FLRT2: variants seen among roughly 807,000 people sequenced by gnomAD.
FLRT2 encodes the protein leucine-rich repeat transmembrane protein FLRT2.
In FLRT2, 15 loss-of-function variants were observed where a neutral mutation model predicts 40.0. The ratio of observed to expected loss-of-function variants is 0.38; its 90% CI spans 0.25 to 0.58. FLRT2 has a LOEUF of 0.58. Ranked by LOEUF, FLRT2 falls within the 20% of genes least tolerant of loss-of-function variation. The pLI is 0.71. For missense variants in FLRT2, 726 were observed against 840.0 expected (o/e 0.86, Z 1.68); for synonymous variants, 380 against 336.8 (o/e 1.13, Z -1.41).
intron 1 of FLRT2, among the ~76,000 whole-genome samples, chr14:85,548,017 A>G (rs1889381682): frequency 6.6e-6 from 1 of 152,210 alleles, no homozygotes; most frequent in Non-Finnish European, 1.5e-5. Flanking sequence ...ACTGAATAGA[A>G]TGAGAGCCAA....
chr14:85,613,099 T>A (rs141111279), intron 1 of FLRT2, among the ~76,000 whole-genome samples: 4 of 152,098 alleles, frequency 2.6e-5, no homozygotes, highest in African/African-American at 9.7e-5. Context: ...TAAAGTAGTA[T>A]GCAATTAAAG....
chr14:85,559,724 T>C (rs1890190432), intron 1 of FLRT2, among the ~76,000 whole-genome samples: 1 of 152,196 alleles, frequency 6.6e-6, no homozygotes, highest in Non-Finnish European at 1.5e-5. Context: ...CTCACAGAGA[T>C]ACATGGCCCA....
chr14:85,607,788 CTG>C (rs1892687890), intron 1 of FLRT2, among the ~76,000 whole-genome samples: 1 of 152,218 alleles, frequency 6.6e-6, no homozygotes, highest in African/African-American at 2.4e-5. Context: ...TCAAGCGTCT[CTG>C]TATGAGTCAG....
Position 85,645,699 on chromosome 14 carries a change from T to C in FLRT2, c.*22202T>C, listed in dbSNP as rs1027735987. 8 of 152,234 alleles carry C rather than the reference T, an allele frequency of 5.3e-5. No homozygotes were observed. Among genetic ancestry groups the C allele is most frequent in the Admixed American group, 2.6e-4 (4 of 15,280 alleles). The allele number at this position is 152,234 out of a possible 1,614,324, so 9.4% of individuals were successfully genotyped here. On this transcript the variant is annotated 3_prime_UTR_variant, in exon 2 of 2. Coordinates refer to ENST00000330753, the MANE Select transcript of FLRT2 (RefSeq NM_013231.6). Reference sequence around the variant, plus strand: ...GTTGAGGAATCTTTCAGAGATTCAGTAGATAAGGTGATCTATTATATGGAT... The same window carrying C: ...GTTGAGGAATCTTTCAGAGATTCAGCAGATAAGGTGATCTATTATATGGAT...
intron 1 of FLRT2, among the ~76,000 whole-genome samples, chr14:85,619,541 T>G (rs750304165): frequency 5.3e-5 from 8 of 152,230 alleles, no homozygotes; most frequent in Admixed American, 3.9e-4. Flanking sequence ...CTTAACAATC[T>G]TTTAAATTAT....
intron 1 of FLRT2, among the ~76,000 whole-genome samples, chr14:85,540,398 G>C (rs1888915940): frequency 6.6e-6 from 1 of 152,116 alleles, no homozygotes; most frequent in South Asian, 2.1e-4. Flanking sequence ...GTTTTGTTCA[G>C]TTCTGTTTTT....
At position 85,643,729 on chromosome 14, in the gene FLRT2, A is replaced by G. The variant is rs187640434; in HGVS notation, c.*20232A>G. 3 of 152,196 alleles carry G rather than the reference A, an allele frequency of 2.0e-5. No homozygotes were observed. Among genetic ancestry groups the G allele is most frequent in the Non-Finnish European group, 4.4e-5 (3 of 68,034 alleles). The allele number at this position is 152,196 out of a possible 1,614,324, so 9.4% of individuals were successfully genotyped here. ...CTTTAAGGCATTTATTAATGCATTG[A>G]TGAGGACTCTCCTCTTTTAGATAGA... On this transcript the variant is annotated 3_prime_UTR_variant, in exon 2 of 2. Coordinates refer to ENST00000330753, the MANE Select transcript of FLRT2 (RefSeq NM_013231.6).
At position 85,634,988 on chromosome 14, in the gene FLRT2, G is replaced by C. The variant is rs542556346; in HGVS notation, c.*11491G>C. 1 of 152,246 alleles carries C rather than the reference G, an allele frequency of 6.6e-6. No homozygotes were observed. The highest frequency in any genetic ancestry group is 1.9e-4 in the East Asian group (1 of 5,180). The allele number at this position is 152,246 out of a possible 1,614,324, so 9.4% of individuals were successfully genotyped here. A position where few individuals can be genotyped will look rare whatever the true frequency, so the allele number is the denominator to read the frequency against. ...GATTTGGTTCATTGGACTGATTTGT[G>C]TTCTGTGTGCTTTTAAAATTCAGGA... On this transcript the variant is annotated 3_prime_UTR_variant, in exon 2 of 2. Transcript: ENST00000330753.
In FLRT2 at chr14:85,648,826, A is replaced by AATTAAATTTAAT. The variant is rs1894367117; in HGVS notation, c.*25329_*25330insATTAAATTTAAT. The AATTAAATTTAAT allele has an allele frequency of 6.6e-6, 1 of 152,172 alleles. No individual in the cohort carries two copies. The highest frequency in any genetic ancestry group is 2.1e-4 in the South Asian group (1 of 4,832). 9.4% of individuals were successfully genotyped at this position (152,172 alleles called of 1,614,324 possible). Reference sequence around the variant, plus strand: ...TTTAATGCCTGCCTCCCATTAAGTTATAAGATCCAGGAATTTAATAATTTA... The same window carrying AATTAAATTTAAT: ...TTTAATGCCTGCCTCCCATTAAGTTAATTAAATTTAATTAAGATCCAGGAATTTAATAATTTA... On this transcript the variant is annotated 3_prime_UTR_variant, in exon 2 of 2. Transcript: ENST00000330753.
chr14:85,553,182 T>C (rs992062907), intron 1 of FLRT2, among the ~76,000 whole-genome samples: 1 of 152,234 alleles, frequency 6.6e-6, no homozygotes, highest in Non-Finnish European at 1.5e-5. Flanking sequence ...AGCTCTTCTT[T>C]GTAGCCTTCA....
intron 1 of FLRT2, among the ~76,000 whole-genome samples, chr14:85,617,457 C>T (rs901759120): frequency 4.6e-5 from 7 of 152,224 alleles, no homozygotes; most frequent in African/African-American, 1.4e-4. Context: ...GATCCTGCTG[C>T]TACTTGGTGA....
At chr14:85,537,302 C>G (rs892984467) in intron 1 of FLRT2, among the ~76,000 whole-genome samples, 1 of 152,002 alleles carries the variant, frequency 6.6e-6, no homozygotes, top group African/African-American at 2.4e-5. Flanking sequence ...CTGACATTTT[C>G]CAGATGGTTT....
chr14:85,618,263 A>G (rs959086894), intron 1 of FLRT2, among the ~76,000 whole-genome samples: 5 of 152,178 alleles, frequency 3.3e-5, no homozygotes, highest in Non-Finnish European at 7.3e-5. Flanking sequence ...AGAAGTATCT[A>G]TTCTTTTTAC....
chr14:85,538,905 A>G (rs1888823799), intron 1 of FLRT2, among the ~76,000 whole-genome samples: 1 of 152,138 alleles, frequency 6.6e-6, no homozygotes, highest in Non-Finnish European at 1.5e-5. Context: ...TCTAGCATCT[A>G]AACAGCCTCT....
chr14:85,556,935 G>A (rs1394453008), intron 1 of FLRT2, among the ~76,000 whole-genome samples: 5 of 152,118 alleles, frequency 3.3e-5, no homozygotes, highest in Admixed American at 6.5e-5. Flanking sequence ...CATGGCGGGA[G>A]GCAAAAGGCA....
rs1894181037 is a variant in FLRT2, at chr14:85,642,726, A to G, written c.*19229A>G. 1 of 152,142 alleles carries G rather than the reference A, an allele frequency of 6.6e-6. No individual in the cohort carries two copies. Among genetic ancestry groups the G allele is most frequent in the Admixed American group, 6.5e-5 (1 of 15,276 alleles). The allele number at this position is 152,142 out of a possible 1,614,324, so 9.4% of individuals were successfully genotyped here. On this transcript the variant is annotated 3_prime_UTR_variant, in exon 2 of 2. Transcript: ENST00000330753. ...AGCCTGCATGCAATGAGCTTACCCAACCAGCTCAGAGTGATTATAATTGTT... is the reference window on the plus strand; with the variant it reads ...AGCCTGCATGCAATGAGCTTACCCAGCCAGCTCAGAGTGATTATAATTGTT...
intron 1 of FLRT2, among the ~76,000 whole-genome samples, chr14:85,538,718 G>T (rs1380499949): frequency 2.0e-5 from 3 of 152,088 alleles, no homozygotes; most frequent in African/African-American, 7.2e-5. Flanking sequence ...ACCACCTTCA[G>T]CAGGGAGCAA....
Position 85,654,169 on chromosome 14 carries a change from G to T in FLRT2, c.*30672G>T, listed in dbSNP as rs2139414712. ...TGCTGAGTTCCTGGTGGAATGAAAAGACTGTCTTTTTTTAATTGTGATTTG... is the reference window on the plus strand; with the variant it reads ...TGCTGAGTTCCTGGTGGAATGAAAATACTGTCTTTTTTTAATTGTGATTTG... On this transcript the variant is annotated 3_prime_UTR_variant, in exon 2 of 2. Coordinates refer to ENST00000330753, the MANE Select transcript of FLRT2 (RefSeq NM_013231.6). The T allele has an allele frequency of 6.7e-6, 1 of 148,420 alleles. No individual in the cohort carries two copies. Among genetic ancestry groups the T allele is most frequent in the African/African-American group, 2.4e-5 (1 of 41,160 alleles). The allele number at this position is 148,420 out of a possible 1,614,324, so 9.2% of individuals were successfully genotyped here.
chr14:85,573,590 G>A (rs2139864675), intron 1 of FLRT2, among the ~76,000 whole-genome samples: 1 of 152,258 alleles, frequency 6.6e-6, no homozygotes, highest in Non-Finnish European at 1.5e-5. Flanking sequence ...TACTGGGTGT[G>A]CCAACCCTTT....
Sources: allele counts gnomAD v4.1 joint callset (sites outside exome capture counted in the v4.1 genomes callset), GRCh38; gene constraint gnomAD v4.1.1; transcripts MANE v1.5; gene names NCBI Gene and HGNC (gene_info 2026-07-23, HGNC 2026-07-21).